The following CACNA2D3 variants were observed in gnomAD, a reference collection of about 807,000 sequenced individuals.
CACNA2D3 encodes voltage-dependent calcium channel subunit alpha-2/delta-3.
CACNA2D3 carries 60 observed loss-of-function variants against 160.6 expected under a neutral mutation model. That is an observed-to-expected ratio of 0.37 (90% CI 0.30 to 0.46). The LOEUF is 0.46. Among genes scored for constraint, CACNA2D3 ranks in the 20% least tolerant of loss-of-function variants. The probability of loss-of-function intolerance (pLI) is 1.00; values close to 1 mark genes in which losing one functional copy is unlikely to be tolerated. For missense variants in CACNA2D3, 1,205 were observed against 1,365.0 expected (o/e 0.88, Z 1.85); for synonymous variants, 558 against 492.9 (o/e 1.13, Z -1.75).
In CACNA2D3 at chr3:54,344,241, C is replaced by T. The variant is rs891063001; in HGVS notation, c.321+23683C>T. Among the ~76,000 whole-genome samples, 5 of 152,166 alleles carry T rather than the reference C, an allele frequency of 3.3e-5. No homozygotes were observed. In the East Asian group the frequency reaches 5.8e-4, roughly 18 times the overall value. On this transcript the variant is annotated intron_variant, in intron 3 of 37. Coordinates refer to ENST00000474759, the MANE Select transcript of CACNA2D3 (RefSeq NM_018398.3). ...CCCTCCTCTGTTCCAGGGCACCCTG[C>T]AGTTACAGCAGGGAGTGCTTCATCA... is the stretch of plus-strand genomic sequence containing the variant.
chr3:54,355,359 A>G (rs1698631285), intron 3 of CACNA2D3, among the ~76,000 whole-genome samples: 1 of 152,240 alleles, frequency 6.6e-6, no homozygotes, highest in South Asian at 2.1e-4. Flanking sequence ...GCTGCTGTAT[A>G]GAGACTAGTC....
intron 11 of CACNA2D3, among the ~76,000 whole-genome samples, chr3:54,684,714 A>G (rs769716813): frequency 1.3e-5 from 2 of 151,518 alleles, no homozygotes; most frequent in African/African-American, 2.4e-5. Flanking sequence ...CCCAGGAGAC[A>G]GCGTACAAAA....
At chr3:54,581,947 A>G (rs914689888) in intron 9 of CACNA2D3, 70 bp downstream of exon 9, 2 of 1,299,952 alleles carry the variant, frequency 1.5e-6, no homozygotes, top group East Asian at 2.4e-5. Context: ...TTGTTTCACA[A>G]TAAATCTGTC....
chr3:55,051,887 CCT>C (rs1704227432), intron 35 of CACNA2D3, among the ~76,000 whole-genome samples: 1 of 152,190 alleles, frequency 6.6e-6, no homozygotes, highest in Non-Finnish European at 1.5e-5. Flanking sequence ...GTCTGTCACC[CCT>C]TTCTTTGAGT....
intron 35 of CACNA2D3, among the ~76,000 whole-genome samples, chr3:55,021,633 A>ATATATATATATGTG (rs1360935571): frequency 0.013 from 1,659 of 132,426 alleles, 18 homozygotes; most frequent in Non-Finnish European, 0.018. Context: ...GTGTATATAT[A>ATATATATATATGTG]TATATATATA....
chr3:54,806,099 C>T (rs1450252526), intron 13 of CACNA2D3, among the ~76,000 whole-genome samples: 2 of 152,186 alleles, frequency 1.3e-5, no homozygotes, highest in African/African-American at 2.4e-5. Context: ...CAATATCATA[C>T]TGAATGGGCA....
chr3:54,601,813 AAAT>A (rs1273007266), intron 9 of CACNA2D3, among the ~76,000 whole-genome samples: 1 of 152,046 alleles, frequency 6.6e-6, no homozygotes, highest in Admixed American at 6.6e-5. Flanking sequence ...TTAAAATATT[AAAT>A]AATTTCATGG....
chr3:54,178,780 A>T (rs1199571124), intron 2 of CACNA2D3, among the ~76,000 whole-genome samples: 1 of 152,174 alleles, frequency 6.6e-6, no homozygotes, highest in Non-Finnish European at 1.5e-5. Flanking sequence ...ATGAAATGGG[A>T]TGGATGAATG....
chr3:54,642,053 T>G (rs1224499737), intron 10 of CACNA2D3, 75 bp from the exon 11 acceptor site: 3 of 885,324 alleles, frequency 3.4e-6, no homozygotes, highest in Non-Finnish European at 5.2e-6. Flanking sequence ...GTCCCAGGTC[T>G]CATGTCTCTG....
At chr3:54,314,903 T>TTGTTTTCCTCTCTGCCTTCCTTTTG (rs1343615857) in intron 2 of CACNA2D3, among the ~76,000 whole-genome samples, 111 of 152,360 alleles carry the variant, frequency 7.3e-4, no homozygotes, top group South Asian at 2.1e-4. Context: ...GCTTCCATTT[T>TTGTTTTCCTCTCTGCCTTCCTTTTG]TGTTTTCCTC....
At chr3:54,635,254 T>C (rs1034530479) in intron 10 of CACNA2D3, among the ~76,000 whole-genome samples, 3 of 151,958 alleles carry the variant, frequency 2.0e-5, no homozygotes, top group Admixed American at 1.3e-4. Flanking sequence ...GGTCTAAGAA[T>C]TGGGAGGACC....
At chr3:54,125,444 T>C (rs1179550741) in intron 2 of CACNA2D3, among the ~76,000 whole-genome samples, 1 of 152,230 alleles carries the variant, frequency 6.6e-6, no homozygotes, top group African/African-American at 2.4e-5. Context: ...TATTTCCAGC[T>C]GTTTATGGCT....
chr3:54,841,188 C>A (rs1698811670), intron 16 of CACNA2D3, among the ~76,000 whole-genome samples: 1 of 152,222 alleles, frequency 6.6e-6, no homozygotes, highest in Admixed American at 6.5e-5. Context: ...ACTTTACATG[C>A]ATTATTCCTG....
At position 54,659,128 on chromosome 3, in the gene CACNA2D3, T is replaced by C. The variant is rs889286951; in HGVS notation, c.1167+16887T>C. On this transcript the variant is annotated intron_variant, in intron 11 of 37. Transcript: ENST00000474759. Reference sequence around the variant, plus strand: ...TCTCCAGCTATCTTAGTCAGTGCTTTTCTTTTACTGATAGCACCTTTCATC... The same window carrying C: ...TCTCCAGCTATCTTAGTCAGTGCTTCTCTTTTACTGATAGCACCTTTCATC... Among the ~76,000 whole-genome samples the C allele has an allele frequency of 2.6e-5, 4 of 152,224 alleles. No individual in the cohort carries two copies. The South Asian group carries it at 8.3e-4, about 32-fold the overall frequency.
chr3:54,455,871 A>G (rs2106828542), intron 4 of CACNA2D3, among the ~76,000 whole-genome samples: 1 of 152,212 alleles, frequency 6.6e-6, no homozygotes, highest in South Asian at 2.1e-4. Flanking sequence ...CTTTGTGGGA[A>G]ATCAGCTGGC....
chr3:54,883,825 T>TCTCTCTCTCC (rs59265675), intron 21 of CACNA2D3, among the ~76,000 whole-genome samples: 161 of 144,394 alleles, frequency 1.1e-3, no homozygotes, highest in African/African-American at 4.0e-3. Flanking sequence ...CTCTCTCTCC[T>TCTCTCTCTCC]CTCTCTCCCT....
At chr3:54,681,889 G>A (rs1322126819) in intron 11 of CACNA2D3, among the ~76,000 whole-genome samples, 5 of 152,004 alleles carry the variant, frequency 3.3e-5, no homozygotes, top group African/African-American at 1.2e-4. Context: ...CGCCAAGTTG[G>A]CCAGGCTGGT....
At position 54,503,486 on chromosome 3, in the gene CACNA2D3, T is replaced by G; in HGVS notation, c.382-6T>G. Reference sequence around the variant, plus strand: ...ACATGTAATGTTTTTTGACTTTGTCTTTCAGTATGAATACTTCAATGCTGT... The same window carrying G: ...ACATGTAATGTTTTTTGACTTTGTCGTTCAGTATGAATACTTCAATGCTGT... On this transcript the variant is annotated splice_polypyrimidine_tract_variant and splice_region_variant and intron_variant, in intron 4 of 37. Transcript: ENST00000474759. 6.2e-7 allele frequency: 1 copy of G among 1,613,728 alleles called. No individual in the cohort carries two copies. Among genetic ancestry groups the G allele is most frequent in the Non-Finnish European group, 8.5e-7 (1 of 1,179,682 alleles).
chr3:54,238,537 G>C (rs1701922599), intron 2 of CACNA2D3, among the ~76,000 whole-genome samples: 1 of 152,134 alleles, frequency 6.6e-6, no homozygotes, highest in South Asian at 2.1e-4. Flanking sequence ...TTATGATTGG[G>C]GAGAAAGCAG....
Sources: allele counts gnomAD v4.1 joint callset (sites outside exome capture counted in the v4.1 genomes callset), GRCh38; gene constraint gnomAD v4.1.1; transcripts MANE v1.5; gene names NCBI Gene and HGNC (gene_info 2026-07-23, HGNC 2026-07-21).